Variants in SLC8A1 observed in about 807,000 individuals in gnomAD.
SLC8A1 encodes the protein sodium/calcium exchanger 1.
A neutral mutation model predicts 68.3 loss-of-function variants in SLC8A1; 18 were observed. The observed-to-expected ratio is 0.26, with a 90% confidence interval of 0.18 to 0.39. The LOEUF (loss-of-function observed/expected upper bound fraction) is 0.39. Among genes scored for constraint, SLC8A1 ranks in the 10% least tolerant of loss-of-function variants. The pLI is 1.00. For missense variants in SLC8A1, 985 were observed against 1,156.7 expected (o/e 0.85, Z 2.15); for synonymous variants, 475 against 415.5 (o/e 1.14, Z -1.74).
intron 1 of SLC8A1, among the ~76,000 whole-genome samples, chr2:40,458,637 CAG>C (rs1354956246): frequency 6.6e-6 from 1 of 152,144 alleles, no homozygotes; most frequent in Non-Finnish European, 1.5e-5. Context: ...CGATGACAGA[CAG>C]ATTGTCTGTG....
chr2:40,231,186 C>T (rs934414025), intron 2 of SLC8A1, among the ~76,000 whole-genome samples: 2 of 152,210 alleles, frequency 1.3e-5, no homozygotes, highest in East Asian at 1.9e-4. Flanking sequence ...GTTCTTGGCA[C>T]AGTTGCTTTC....
intron 7 of SLC8A1, among the ~76,000 whole-genome samples, chr2:40,135,443 C>T (rs2040318551): frequency 6.6e-6 from 1 of 152,068 alleles, no homozygotes; most frequent in South Asian, 2.1e-4. Context: ...TGCAGTGGCT[C>T]ACTCCTATAA....
upstream of SLC8A1, among the ~76,000 whole-genome samples, chr2:40,452,772 G>A (rs577106270): frequency 8.0e-5 from 12 of 150,844 alleles, no homozygotes; most frequent in East Asian, 2.1e-3. Flanking sequence ...TCGGGGGAGG[G>A]TGTCCCCCGG....
intron 2 of SLC8A1, among the ~76,000 whole-genome samples, chr2:40,291,582 A>G (rs1260835284): frequency 2.0e-5 from 3 of 152,092 alleles, no homozygotes. Flanking sequence ...GTGGACCTCT[A>G]TAAATGGCAT....
intron 2 of SLC8A1, among the ~76,000 whole-genome samples, chr2:40,382,676 G>A (rs1426365451): frequency 4.6e-5 from 6 of 130,488 alleles, no homozygotes; most frequent in African/African-American, 1.2e-4. Flanking sequence ...ACTGAAAATC[G>A]TATATTATAG....
At chr2:40,394,117 A>C (rs1686152317) in intron 2 of SLC8A1, among the ~76,000 whole-genome samples, 1 of 152,092 alleles carries the variant, frequency 6.6e-6, no homozygotes, top group Admixed American at 6.6e-5. Context: ...ACAGCCCCCC[A>C]CAAAGAAGAA....
At chr2:40,364,348 G>C (rs184089145) in intron 2 of SLC8A1, among the ~76,000 whole-genome samples, 4 of 151,672 alleles carry the variant, frequency 2.6e-5, no homozygotes, top group Admixed American at 2.6e-4. Context: ...ATCACTACGA[G>C]TTTGTGTGTG....
At chr2:40,251,096 G>A (rs1366920916) in intron 2 of SLC8A1, 1 of 151,960 alleles carries the variant, frequency 6.6e-6, no homozygotes, top group East Asian at 1.9e-4. Flanking sequence ...AAGAGCCCCT[G>A]AAAATACTGG....
chr2:40,394,296 G>C (rs1224334382), intron 2 of SLC8A1, among the ~76,000 whole-genome samples: 1 of 152,034 alleles, frequency 6.6e-6, no homozygotes, highest in Non-Finnish European at 1.5e-5. Flanking sequence ...GCCATTCTAG[G>C]GAGAGTAATT....
chr2:40,267,980 T>C (rs969802476), intron 2 of SLC8A1, among the ~76,000 whole-genome samples: 2 of 152,106 alleles, frequency 1.3e-5, no homozygotes, highest in Non-Finnish European at 2.9e-5. Flanking sequence ...TCTCGGACAG[T>C]GGGATGAGAA....
intron 2 of SLC8A1, among the ~76,000 whole-genome samples, chr2:40,400,191 C>A (rs577744167): frequency 1.3e-5 from 2 of 152,146 alleles, no homozygotes; most frequent in Non-Finnish European, 2.9e-5. Flanking sequence ...CTTGCCGATG[C>A]CCCCGGCCGA....
At chr2:40,455,634 A>C (rs1442549439), upstream of SLC8A1, among the ~76,000 whole-genome samples, 1 of 152,188 alleles carries the variant, frequency 6.6e-6, no homozygotes, top group Non-Finnish European at 1.5e-5. Flanking sequence ...CAGGTGAACC[A>C]TTGGGTTCCC....
chr2:40,185,551 G>C (rs1279238078), intron 2 of SLC8A1, among the ~76,000 whole-genome samples: 1 of 152,138 alleles, frequency 6.6e-6, no homozygotes, highest in Non-Finnish European at 1.5e-5. Flanking sequence ...CAAATCCAGA[G>C]ACAGAAAGCA....
intron 2 of SLC8A1, among the ~76,000 whole-genome samples, chr2:40,378,760 GTTCC>G (rs1292761603): frequency 2.0e-5 from 3 of 152,006 alleles, no homozygotes; most frequent in African/African-American, 7.3e-5. Context: ...ACATGCTCCT[GTTCC>G]TGTTAAATTC....
intron 2 of SLC8A1, among the ~76,000 whole-genome samples, chr2:40,378,973 T>G (rs969781421): frequency 6.6e-6 from 1 of 152,106 alleles, no homozygotes; most frequent in Non-Finnish European, 1.5e-5. Flanking sequence ...ATGCACTATT[T>G]ATTTGTTCAC....
chr2:40,139,217 G>C (rs1442894570), intron 7 of SLC8A1, among the ~76,000 whole-genome samples, 184 bp downstream of exon 10: 2 of 152,098 alleles, frequency 1.3e-5, no homozygotes, highest in East Asian at 3.9e-4. Flanking sequence ...ACACTGACCG[G>C]CTTTTGAACC....
chr2:40,227,042 G>A (rs532498899), intron 2 of SLC8A1, among the ~76,000 whole-genome samples: 1 of 152,106 alleles, frequency 6.6e-6, no homozygotes, highest in African/African-American at 2.4e-5. Context: ...AAATGGGGTA[G>A]TGGACAGTAA....
intron 1 of SLC8A1, among the ~76,000 whole-genome samples, chr2:40,500,661 T>C (rs1294913227): frequency 6.6e-6 from 1 of 152,038 alleles, no homozygotes; most frequent in Non-Finnish European, 1.5e-5. Context: ...TCCATTTTCT[T>C]GGGACATTCC....
At chr2:40,194,622 G>T (rs186420464) in intron 2 of SLC8A1, among the ~76,000 whole-genome samples, 2 of 152,050 alleles carry the variant, frequency 1.3e-5, no homozygotes, top group East Asian at 3.9e-4. Context: ...GGCAAATGAG[G>T]TCTAAAAAGA....
Sources: allele counts gnomAD v4.1 joint callset (sites outside exome capture counted in the v4.1 genomes callset), GRCh38; gene constraint gnomAD v4.1.1; transcripts MANE v1.5; gene names NCBI Gene and HGNC (gene_info 2026-07-23, HGNC 2026-07-21).